Variants in SLC34A2 observed in about 807,000 individuals in gnomAD.
The protein encoded by SLC34A2 is sodium-dependent phosphate transport protein 2B.
Under a neutral mutation model 50.8 loss-of-function variants are expected in SLC34A2, and 41 were observed. That is an observed-to-expected ratio of 0.81 (90% CI 0.63 to 1.05). The LOEUF is 1.05. SLC34A2 is among the 50% of genes least tolerant of loss of function. The pLI is 0.00. For missense variants in SLC34A2, 879 were observed against 876.7 expected, an observed-to-expected ratio of 1.00 and a Z score of -0.03; for synonymous variants, 401 against 364.2, an observed-to-expected ratio of 1.10 and a Z score of -1.15.
In SLC34A2 at chr4:25,676,392, C is replaced by T. The variant is rs1298501428; in HGVS notation, c.1716C>T (p.Leu572=). The T allele has an allele frequency of 1.2e-6, 2 of 1,614,126 alleles. No homozygotes were observed. Among genetic ancestry groups the T allele is most frequent in the Non-Finnish European group, 1.7e-6 (2 of 1,179,980 alleles). ...VVFIIILVLC[L]RLLQSRCPRV... is the part of the protein sequence containing the mutation. ...TCATCATCATCCTGGTACTGTGCCTCCGACTCCTGCAGTCTCGCTGCCCAC... is the reference window on the plus strand; with the variant it reads ...TCATCATCATCCTGGTACTGTGCCTTCGACTCCTGCAGTCTCGCTGCCCAC... Residue 572 remains leucine, a synonymous_variant, in exon 13 of 13, where the codon CTC becomes CTT. Coordinates refer to ENST00000382051, the MANE Select transcript of SLC34A2 (RefSeq NM_006424.3).
chr4:25,668,720 C>T (rs1329557215), intron 6 of SLC34A2, among the ~76,000 whole-genome samples: 2 of 151,866 alleles, frequency 1.3e-5, no homozygotes, highest in Non-Finnish European at 2.9e-5. Context: ...TTTCGGTCAG[C>T]TCAACCCATG....
intron 9 of SLC34A2, among the ~76,000 whole-genome samples, chr4:25,672,435 G>A (rs1014866248): frequency 4.6e-5 from 7 of 152,178 alleles, no homozygotes; most frequent in Non-Finnish European, 1.0e-4. Flanking sequence ...CTTGCATGAT[G>A]CTCTGATTAT....
chr4:25,674,480 T>C, intron 11 of SLC34A2, 25 bp from the exon 12 acceptor site: 1 of 1,614,192 alleles, frequency 6.2e-7, no homozygotes, highest in South Asian at 1.1e-5. Context: ...GGGGCTGATA[T>C]GTTTGTGTTT....
chr4:25,665,756 T>C (rs1266516428), intron 4 of SLC34A2, among the ~76,000 whole-genome samples: 1 of 152,156 alleles, frequency 6.6e-6, no homozygotes, highest in Non-Finnish European at 1.5e-5. Context: ...TGGAACCCAC[T>C]GGTCCCAGTA....
rs978791054 is a variant in SLC34A2 at position 25,677,257 on chromosome 4, C to T, written c.*508C>T. ...CCCCAGATCAGCCTGGGTCAGGGGA[C>T]ATAGTGTCATTGTTTGGAAACTGCA... On this transcript the variant is annotated 3_prime_UTR_variant, in exon 13 of 13. Transcript: ENST00000382051. 6.0e-6 allele frequency: 1 copy of T among 167,656 alleles called. No homozygotes were observed. The highest frequency in any genetic ancestry group is 5.5e-5 in the Admixed American group (1 of 18,264). 10.4% of individuals were successfully genotyped at this position (167,656 alleles called of 1,614,324 possible). A position where few individuals can be genotyped will look rare whatever the true frequency, so the allele number is the denominator to read the frequency against.
At position 25,664,263 on chromosome 4, in the gene SLC34A2, T is replaced by A; in HGVS notation, c.312T>A (p.Leu104=). ...FFQGIGRLIL[L]LGFLYFFVCS... ...AAGGGATTGGGAGATTGATTTTACT[T>A]CTCGGATTTCTCTACTTTTTCGTGT... The change falls in exon 4 of 13, where the codon CTT becomes CTA. Residue 104 remains leucine, a synonymous_variant. Transcript: ENST00000382051. 1 of 1,613,754 alleles carries A rather than the reference T, an allele frequency of 6.2e-7. No homozygotes were observed. Among genetic ancestry groups the A allele is most frequent in the Non-Finnish European group, 8.5e-7 (1 of 1,179,772 alleles).
At chr4:25,672,818 G>A (rs1298149956) in intron 9 of SLC34A2, among the ~76,000 whole-genome samples, 1 of 152,046 alleles carries the variant, frequency 6.6e-6, no homozygotes, top group Non-Finnish European at 1.5e-5. Flanking sequence ...ACAGAACTGG[G>A]CTGAGTCTAC....
At chr4:25,673,649 T>A (rs1231821145) in intron 10 of SLC34A2, among the ~76,000 whole-genome samples, 1 of 152,158 alleles carries the variant, frequency 6.6e-6, no homozygotes, top group Non-Finnish European at 1.5e-5. Context: ...CATAAATACA[T>A]CAGCATCTAG....
intron 1 of SLC34A2, among the ~76,000 whole-genome samples, chr4:25,661,050 G>A (rs946384626): frequency 1.3e-5 from 2 of 152,158 alleles, no homozygotes; most frequent in Non-Finnish European, 2.9e-5. Flanking sequence ...ATTGTAAGAA[G>A]GTCTTTTCTG....
chr4:25,662,647 T>G (rs755292883), intron 2 of SLC34A2, 35 bp downstream of exon 2: 1 of 1,614,090 alleles, frequency 6.2e-7, no homozygotes, highest in Non-Finnish European at 8.5e-7. Context: ...GATCGGCCTT[T>G]GTGAGGACCC....
In SLC34A2 at chr4:25,666,228, C is replaced by T; in HGVS notation, c.480C>T (p.Ser160=). ...TGGTGACCGTCTTGGTGCAGAGCTC[C>T]AGCACCTCAACGTCCATCGTTGTCA... is the stretch of plus-strand genomic sequence containing the variant. ...GVLVTVLVQS[S]STSTSIVVSM... The change falls in exon 5 of 13, where the codon TCC becomes TCT. Residue 160 remains serine (S), a synonymous_variant. Transcript: ENST00000382051. 1 of 1,614,048 alleles carries T rather than the reference C, an allele frequency of 6.2e-7. No individual in the cohort carries two copies. The highest frequency in any genetic ancestry group is 8.5e-7 in the Non-Finnish European group (1 of 1,180,032).
chr4:25,659,258 A>G (rs964508718), intron 1 of SLC34A2, among the ~76,000 whole-genome samples: 1 of 152,082 alleles, frequency 6.6e-6, no homozygotes, highest in Non-Finnish European at 1.5e-5. Context: ...TTGTCTGTAC[A>G]CTGAGAAGAA....
chr4:25,662,108 G>A (rs1714221637), intron 1 of SLC34A2, among the ~76,000 whole-genome samples: 1 of 152,192 alleles, frequency 6.6e-6, no homozygotes, highest in Admixed American at 6.5e-5. Flanking sequence ...CTGACCTCAG[G>A]TGATCCACCT....
Position 25,666,271 on chromosome 4 carries a change from T to C in SLC34A2, c.523T>C (p.Leu175=), listed in dbSNP as rs376256515. The C allele has an allele frequency of 3.7e-6, 6 of 1,613,648 alleles. No homozygotes were observed. Among genetic ancestry groups the C allele is most frequent in the African/African-American group, 1.3e-5 (1 of 74,908 alleles). Residue 175 remains leucine (L), a splice_region_variant and synonymous_variant, in exon 5 of 13, where the codon TTG becomes CTG. Transcript: ENST00000382051. ...SIVVSMVSSS[L]LTVRAAIPII... is the part of the protein sequence containing the mutation. ...CGTTGTCAGCATGGTGTCCTCTTCA[T>C]GTGAGTCGGGGCACCCATGAGCCCA...
At chr4:25,656,255 A>G (rs1021071027) in intron 1 of SLC34A2, among the ~76,000 whole-genome samples, 1 of 152,118 alleles carries the variant, frequency 6.6e-6, no homozygotes, top group Non-Finnish European at 1.5e-5. Context: ...TGGGTCACCA[A>G]CTAGCCATGT....
intron 12 of SLC34A2, 96 bp downstream of exon 12, chr4:25,674,725 C>T: frequency 1.3e-6 from 2 of 1,520,026 alleles, no homozygotes; most frequent in South Asian, 1.2e-5. Flanking sequence ...TTTCTCTGTA[C>T]TATCCAAAAT....
intron 5 of SLC34A2, 22 bp downstream of exon 5, chr4:25,666,293 C>G (rs765713599): frequency 6.2e-7 from 1 of 1,612,558 alleles, no homozygotes; most frequent in Admixed American, 1.7e-5. Context: ...CACCCATGAG[C>G]CCACCTGCAT....
intron 1 of SLC34A2, among the ~76,000 whole-genome samples, chr4:25,657,584 A>T (rs916308087): frequency 2.6e-5 from 4 of 152,246 alleles, no homozygotes; most frequent in African/African-American, 4.8e-5. Context: ...AGATATCATA[A>T]ATACAAATTG....
chr4:25,676,994 A>C lies in SLC34A2; in HGVS notation c.*245A>C. The stretch of plus-strand genomic sequence containing the variant: ...GGAAGGCACAGGATGGTACCTAAAG[A>C]GAATTAGAGAATGAACCTGGCGGGA... On this transcript the variant is annotated 3_prime_UTR_variant, in exon 13 of 13. Transcript: ENST00000382051. The C allele has an allele frequency of 1.8e-6, 1 of 553,374 alleles. No individual in the cohort carries two copies. Among genetic ancestry groups the C allele is most frequent in the South Asian group, 2.3e-5 (1 of 44,272 alleles). The allele number at this position is 553,374 out of a possible 1,614,324, so 34.3% of individuals were successfully genotyped here.
Sources: allele counts gnomAD v4.1 joint callset (sites outside exome capture counted in the v4.1 genomes callset), GRCh38; gene constraint gnomAD v4.1.1; transcripts MANE v1.5; gene names NCBI Gene and HGNC (gene_info 2026-07-23, HGNC 2026-07-21).